The following TTC5 variants were observed in gnomAD, a reference collection of about 807,000 sequenced individuals.
The protein encoded by TTC5 is tetratricopeptide repeat protein 5.
Under a neutral mutation model 57.4 loss-of-function variants are expected in TTC5, and 46 were observed. The observed-to-expected ratio is 0.80, with a 90% CI of 0.63 to 1.03. The LOEUF (loss-of-function observed/expected upper bound fraction) is 1.03, where lower values mean the gene tolerates loss of function less well. Ranked by LOEUF, TTC5 falls within the 50% of genes least tolerant of loss-of-function variation. TTC5 has a pLI of 0.00. For synonymous variants in TTC5, 190 were observed against 203.5 expected, an observed-to-expected ratio of 0.93 and a Z score of 0.57; for missense variants, 504 against 528.1, an observed-to-expected ratio of 0.95 and a Z score of 0.45.
intron 8 of TTC5, chr14:20,294,021 T>A (rs1882012466): frequency 6.6e-6 from 1 of 152,144 alleles, no homozygotes; most frequent in Non-Finnish European, 1.5e-5. Flanking sequence ...CAGGGCAAGA[T>A]GATCTATAGA....
intron 5 of TTC5, 78 bp downstream of exon 5, chr14:20,298,719 G>C (rs973418061): frequency 9.4e-7 from 1 of 1,060,146 alleles, no homozygotes; most frequent in East Asian, 2.4e-5. Context: ...GCTTGCTAAA[G>C]GGCCACAAAG....
intron 3 of TTC5, among the ~76,000 whole-genome samples, chr14:20,300,164 T>A (rs867974776): frequency 0.29 from 20,255 of 69,068 alleles, 2,506 homozygotes; most frequent in East Asian, 0.38. Flanking sequence ...TATTTTTTTT[T>A]TTTTTTTTTT....
At chr14:20,296,252 AT>A (rs1882060511) in intron 6 of TTC5, 137 bp downstream of exon 6, 1 of 750,502 alleles carries the variant, frequency 1.3e-6, no homozygotes, top group Non-Finnish European at 2.3e-6. Context: ...CGAGCTAGCT[AT>A]TTATAGAAAT....
rs765978562 is a variant in TTC5 at position 20,300,599 on chromosome 14, C to A, written c.396+8G>T. ...CTCTGCTTTCCAAAGGGATAGGGGGCAGCTCACATGGGTGAGGGCTCCTGA... is the reference window on the plus strand; with the variant it reads ...CTCTGCTTTCCAAAGGGATAGGGGGAAGCTCACATGGGTGAGGGCTCCTGA... On this transcript the variant is annotated splice_region_variant and intron_variant, in intron 3 of 9. Transcript: ENST00000258821. The A allele has an allele frequency of 2.8e-5, 45 of 1,606,034 alleles. No homozygotes were observed. Among genetic ancestry groups the A allele is most frequent in the Non-Finnish European group, 3.4e-5 (40 of 1,178,280 alleles).
rs1261796048 is a variant in TTC5, at chr14:20,287,376, T to C, written c.*2251A>G. 1.3e-5 allele frequency: 2 copies of C among 152,186 alleles called. No homozygotes were observed. Among genetic ancestry groups the C allele is most frequent in the Non-Finnish European group, 2.9e-5 (2 of 68,036 alleles). The allele number at this position is 152,186 out of a possible 1,614,324, so 9.4% of individuals were successfully genotyped here. Reference sequence around the variant, plus strand: ...ACTTTTGCACTTACATATCAGGACATATACAAGAATATTAATAATGTAGTG... The same window carrying C: ...ACTTTTGCACTTACATATCAGGACACATACAAGAATATTAATAATGTAGTG... On this transcript the variant is annotated 3_prime_UTR_variant, in exon 10 of 10. Transcript: ENST00000258821.
At chr14:20,293,547 T>C (rs558920969) in intron 8 of TTC5, 1 of 152,320 alleles carries the variant, frequency 6.6e-6, no homozygotes, top group Admixed American at 6.5e-5. Context: ...AAGCTACATA[T>C]AGTACCAGTA....
chr14:20,293,414 T>C (rs1881998534), intron 8 of TTC5: 1 of 152,188 alleles, frequency 6.6e-6, no homozygotes, highest in African/African-American at 2.4e-5. Flanking sequence ...ACCAACAAAA[T>C]TGTTCCATGG....
rs1882040110 is a variant in TTC5, at chr14:20,295,422, T to C, written c.948A>G (p.Lys316=). Residue 316 remains lysine (K), a synonymous_variant, in exon 8 of 10, where the codon AAA becomes AAG. Coordinates refer to ENST00000258821, the MANE Select transcript of TTC5 (RefSeq NM_138376.3). ...TCAGTGGCTTGAGCTCCAGGGTCAC[T>C]TTCTGCCCAGAGGCTGACTGATAGT... ...DGHYQSASGQ[K]VTLELKPLST... 1 of 1,614,050 alleles carries C rather than the reference T, an allele frequency of 6.2e-7. No individual in the cohort carries two copies. The highest frequency in any genetic ancestry group is 8.5e-7 in the Non-Finnish European group (1 of 1,180,032).
In TTC5 at chr14:20,286,298, A is replaced by AT. The variant is rs1272226098; in HGVS notation, c.*3328dup. ...AGTATCCAGAACATGTAAGGAATCA[A>AT]TAAGAAGACAACCCAATAAAAATTG... On this transcript the variant is annotated 3_prime_UTR_variant, in exon 10 of 10. Coordinates refer to ENST00000258821, the MANE Select transcript of TTC5 (RefSeq NM_138376.3). 2 of 152,172 alleles carry AT rather than the reference A, an allele frequency of 1.3e-5. No homozygotes were observed. Among genetic ancestry groups the AT allele is most frequent in the African/African-American group, 4.8e-5 (2 of 41,466 alleles). The allele number at this position is 152,172 out of a possible 1,614,324, so 9.4% of individuals were successfully genotyped here.
chr14:20,291,960 A>G, intron 9 of TTC5, 23 bp downstream of exon 9: 1 of 1,534,922 alleles, frequency 6.5e-7, no homozygotes, highest in Non-Finnish European at 8.7e-7. Flanking sequence ...ACGAGTTGTA[A>G]GAGAATCCTA....
chr14:20,298,844 G>T lies in TTC5; in HGVS notation c.592C>A (p.Gln198Lys). 1 of 1,613,920 alleles carries T rather than the reference G, an allele frequency of 6.2e-7. No homozygotes were observed. Among genetic ancestry groups the T allele is most frequent in the Non-Finnish European group, 8.5e-7 (1 of 1,179,850 alleles). ...GCTTGCTGGGAGATCTTAGGGTTCT[G>T]GCCAGTAGAGAAGTAAAGGGAAAGA... ...SYLSLYFSTG[Q>K]NPKISQQALS... is the part of the protein sequence containing the mutation. Residue 198 changes from glutamine to lysine, a missense_variant, in exon 5 of 10, where the codon CAG (glutamine) becomes AAG (lysine). Transcript: ENST00000258821.
chr14:20,302,080 T>C (rs1197876504), intron 1 of TTC5, 115 bp from the exon 2 acceptor site: 2 of 1,176,542 alleles, frequency 1.7e-6, no homozygotes, highest in Non-Finnish European at 2.4e-6. Context: ...TTCTCACCTA[T>C]GAATGGCACA....
chr14:20,300,455 T>C, intron 3 of TTC5, 152 bp downstream of exon 3: 1 of 644,248 alleles, frequency 1.6e-6, no homozygotes, highest in East Asian at 2.8e-5. Flanking sequence ...ATTTTCCTCA[T>C]TCAGGTCTGC....
chr14:20,305,761 T>C (rs1044454472), intron 1 of TTC5, 126 bp downstream of exon 1: 13 of 1,020,800 alleles, frequency 1.3e-5, no homozygotes, highest in African/African-American at 1.3e-4. Context: ...AGGGTTGTTA[T>C]AGTAACCACA....
At chr14:20,290,278 C>T (rs1274552704) in intron 9 of TTC5, among the ~76,000 whole-genome samples, 2 of 152,190 alleles carry the variant, frequency 1.3e-5, no homozygotes, top group African/African-American at 4.8e-5. Flanking sequence ...GGTATCAGCT[C>T]ACTGTATCAG....
At chr14:20,298,031 A>T (rs1214807272) in intron 5 of TTC5, among the ~76,000 whole-genome samples, 1 of 152,214 alleles carries the variant, frequency 6.6e-6, no homozygotes, top group Admixed American at 6.5e-5. Flanking sequence ...ACATACAGTA[A>T]CTGTGTTCTT....
At chr14:20,301,763 A>G (rs1344630645) in intron 2 of TTC5, 70 bp downstream of exon 2, 98 of 1,592,526 alleles carry the variant, frequency 6.2e-5, no homozygotes, top group Non-Finnish European at 7.0e-5. Flanking sequence ...CAAAGAGTCA[A>G]TGAGGAGGGA....
chr14:20,297,035 T>C (rs567342459), intron 5 of TTC5, among the ~76,000 whole-genome samples: 1 of 152,074 alleles, frequency 6.6e-6, no homozygotes, highest in Non-Finnish European at 1.5e-5. Flanking sequence ...ATGAATGAAA[T>C]AGGTGAAATC....
At chr14:20,299,207 A>T (rs1051667290) in intron 4 of TTC5, 91 bp downstream of exon 4, 18 of 1,432,396 alleles carry the variant, frequency 1.3e-5, no homozygotes, top group Non-Finnish European at 1.6e-5. Context: ...CTTAAACCTC[A>T]GAATCACACT....
Sources: allele counts gnomAD v4.1 joint callset (sites outside exome capture counted in the v4.1 genomes callset), GRCh38; gene constraint gnomAD v4.1.1; transcripts MANE v1.5; gene names NCBI Gene and HGNC (gene_info 2026-07-23, HGNC 2026-07-21).